Variants in CNTN5 observed in about 807,000 individuals in gnomAD.
The protein encoded by CNTN5 is contactin-5.
In CNTN5, 77 loss-of-function variants were observed where a neutral mutation model predicts 129.1. The observed-to-expected ratio is 0.60, with a 90% CI of 0.50 to 0.72. The LOEUF is 0.72. Ranked by LOEUF, CNTN5 falls within the 30% of genes least tolerant of loss-of-function variation. The pLI is 0.00. For synonymous variants in CNTN5, 509 were observed against 465.6 expected (o/e 1.09, Z -1.20); for missense variants, 1,478 against 1,328.8 (o/e 1.11, Z -1.75).
chr11:99,113,754 T>G (rs1214727210), intron 1 of CNTN5, among the ~76,000 whole-genome samples: 1 of 152,096 alleles, frequency 6.6e-6, no homozygotes, highest in African/African-American at 2.4e-5. Context: ...GTATGTAGCA[T>G]GGCACACAAA....
At chr11:99,551,822 T>C (rs933886387) in intron 2 of CNTN5, among the ~76,000 whole-genome samples, 3 of 152,078 alleles carry the variant, frequency 2.0e-5, no homozygotes, top group Non-Finnish European at 4.4e-5. Context: ...TATGGGAACA[T>C]CATCATATAT....
chr11:99,695,505 T>C (rs184730452), intron 3 of CNTN5, among the ~76,000 whole-genome samples: 50 of 152,228 alleles, frequency 3.3e-4, no homozygotes, highest in African/African-American at 1.2e-3. Flanking sequence ...AAGCTGACTT[T>C]TATACAATTT....
intron 1 of CNTN5, among the ~76,000 whole-genome samples, chr11:99,041,373 T>C (rs2135137765): frequency 6.6e-6 from 1 of 152,274 alleles, no homozygotes; most frequent in Admixed American, 6.5e-5. Context: ...TGGTACAGTC[T>C]TAAAAATAAA....
chr11:100,115,245 C>T (rs555000466), intron 13 of CNTN5, among the ~76,000 whole-genome samples: 2 of 151,602 alleles, frequency 1.3e-5, no homozygotes, highest in Non-Finnish European at 2.9e-5. Context: ...GCTTTAGTTC[C>T]TACTATGCTT....
intron 8 of CNTN5, among the ~76,000 whole-genome samples, chr11:99,960,420 A>T (rs1950912449): frequency 6.6e-6 from 1 of 151,840 alleles, no homozygotes; most frequent in Non-Finnish European, 1.5e-5. Context: ...TATCTTCTAT[A>T]CTTCTTCTTA....
intron 1 of CNTN5, among the ~76,000 whole-genome samples, chr11:99,082,904 A>T (rs1865863451): frequency 1.3e-5 from 2 of 152,160 alleles, no homozygotes; most frequent in African/African-American, 4.8e-5. Context: ...ACATTTAAAT[A>T]GCATTGAGGG....
At chr11:99,957,064 A>T in intron 8 of CNTN5, 55 bp downstream of exon 8, 6 of 1,463,914 alleles carry the variant, frequency 4.1e-6, no homozygotes, top group Non-Finnish European at 5.6e-6. Context: ...GAAAATAAAG[A>T]TGTATTAGTG....
intron 6 of CNTN5, among the ~76,000 whole-genome samples, chr11:99,900,310 A>G (rs1949321270): frequency 6.6e-6 from 1 of 151,416 alleles, no homozygotes; most frequent in Non-Finnish European, 1.5e-5. Flanking sequence ...TCTAATTAAA[A>G]ATCTTATATT....
intron 1 of CNTN5, among the ~76,000 whole-genome samples, chr11:99,141,004 C>T (rs900352156): frequency 2.6e-5 from 4 of 151,860 alleles, no homozygotes; most frequent in Non-Finnish European, 5.9e-5. Flanking sequence ...ATGATGCTGG[C>T]CTCATAGAAT....
intron 13 of CNTN5, among the ~76,000 whole-genome samples, chr11:100,120,088 A>C (rs1014023351): frequency 3.7e-5 from 2 of 53,712 alleles, no homozygotes; most frequent in Non-Finnish European, 6.0e-5. Context: ...ATGATTGTAT[A>C]ATATCTCCTT....
At chr11:99,802,360 G>A (rs1170325260) in intron 3 of CNTN5, among the ~76,000 whole-genome samples, 1 of 152,130 alleles carries the variant, frequency 6.6e-6, no homozygotes, top group East Asian at 1.9e-4. Flanking sequence ...ATTAACTCTG[G>A]AGGGTAGGGG....
At chr11:99,718,458 T>C (rs1310224879) in intron 3 of CNTN5, among the ~76,000 whole-genome samples, 3 of 152,144 alleles carry the variant, frequency 2.0e-5, no homozygotes, top group Non-Finnish European at 4.4e-5. Context: ...TTCTGATATA[T>C]GGCCAATTTG....
At chr11:99,939,951 T>A (rs183130830) in intron 7 of CNTN5, among the ~76,000 whole-genome samples, 1 of 152,304 alleles carries the variant, frequency 6.6e-6, no homozygotes, top group East Asian at 1.9e-4. Context: ...AATGAAATAA[T>A]CACCAAATAA....
At chr11:99,380,170 G>T (rs926196982) in intron 2 of CNTN5, among the ~76,000 whole-genome samples, 1 of 151,688 alleles carries the variant, frequency 6.6e-6, no homozygotes, top group Non-Finnish European at 1.5e-5. Flanking sequence ...TATTCCTGTG[G>T]CCAAGTAACC....
chr11:99,044,972 C>T lies in CNTN5; in HGVS notation c.-210+23702C>T, dbSNP rs186619007. Among the ~76,000 whole-genome samples the T allele has an allele frequency of 4.1e-3, 627 of 152,212 alleles. 4 individuals are homozygous for T. The highest frequency in any genetic ancestry group is 0.014 in the African/African-American group (591 of 41,538). On this transcript the variant is annotated intron_variant, in intron 1 of 24. Transcript: ENST00000524871. ...CCACCTTTCTGTACCTCAGTCTCCT[C>T]ATGTATAAAATGATAATACTACTTA...
chr11:99,677,310 T>C (rs1953332264), intron 3 of CNTN5, among the ~76,000 whole-genome samples: 1 of 146,076 alleles, frequency 6.8e-6, no homozygotes, highest in South Asian at 2.2e-4. Context: ...TGAATGCCTT[T>C]ACATGTTCAT....
intron 2 of CNTN5, among the ~76,000 whole-genome samples, chr11:99,353,690 A>T (rs1591561324): frequency 6.6e-6 from 1 of 152,210 alleles, no homozygotes; most frequent in Non-Finnish European, 1.5e-5. Context: ...GATAGCCAGG[A>T]CTACCAAGAC....
At chr11:100,079,641 CT>C (rs146040244) in intron 13 of CNTN5, among the ~76,000 whole-genome samples, 13,976 of 151,438 alleles carry the variant, frequency 0.092, 790 homozygotes, top group East Asian at 0.18. Flanking sequence ...ATTTTAAAGA[CT>C]TTTTTTTTCA....
At chr11:100,163,404 G>A (rs1396950699) in intron 13 of CNTN5, among the ~76,000 whole-genome samples, 1 of 151,592 alleles carries the variant, frequency 6.6e-6, no homozygotes, top group African/African-American at 2.4e-5. Flanking sequence ...TGAATGTTTT[G>A]TATATCAGAG....
Sources: gnomAD v4.1 joint callset for allele counts (sites outside exome capture counted in the v4.1 genomes callset) on GRCh38, gnomAD v4.1.1 for gene constraint, MANE v1.5 for transcripts, NCBI Gene and HGNC (gene_info 2026-07-23, HGNC 2026-07-21) for gene names.